The following ZNF800 variants were observed in gnomAD, a reference collection of about 807,000 sequenced individuals.
ZNF800 encodes zinc finger protein 800.
A neutral mutation model predicts 59.5 loss-of-function variants in ZNF800; 13 were observed. The ratio of observed to expected loss-of-function variants is 0.22; its 90% CI spans 0.14 to 0.35. The LOEUF is 0.35. Among genes scored for constraint, ZNF800 ranks in the 10% least tolerant of loss-of-function variants. The probability of loss-of-function intolerance (pLI) is 1.00; values close to 1 mark genes in which losing one functional copy is unlikely to be tolerated. For missense variants in ZNF800, 621 were observed against 783.7 expected, an observed-to-expected ratio of 0.79 and a Z score of 2.48; for synonymous variants, 266 against 265.7, an observed-to-expected ratio of 1.00 and a Z score of -0.01.
intron 1 of ZNF800, among the ~76,000 whole-genome samples, chr7:127,350,909 C>A (rs576772026): frequency 1.1e-4 from 16 of 152,240 alleles, no homozygotes; most frequent in East Asian, 7.7e-4. Flanking sequence ...TTATTGAGAA[C>A]GAATATTTTG....
downstream of ZNF800, among the ~76,000 whole-genome samples, chr7:127,367,637 T>C (rs1359746296): frequency 3.3e-5 from 5 of 152,100 alleles, no homozygotes; most frequent in Non-Finnish European, 7.4e-5. Context: ...ACTGGTGAAA[T>C]TTCCTAAAAA....
At chr7:127,368,260 T>C (rs2117075833), downstream of ZNF800, among the ~76,000 whole-genome samples, 1 of 152,290 alleles carries the variant, frequency 6.6e-6, no homozygotes, top group Middle Eastern at 3.4e-3. Flanking sequence ...ATGTTTTTAA[T>C]CTGCATTCTA....
Position 127,373,972 on chromosome 7 carries a change from G to C in ZNF800, c.1364C>G (p.Ser455Cys), listed in dbSNP as rs1225289778. Reference protein sequence around the residue: ...AAQKNKVKQDSESPKSTSPSA... With the variant: ...AAQKNKVKQDCESPKSTSPSA... Reference sequence around the variant, plus strand: ...CGGACTAGTTGATTTAGGGCTTTCAGAGTCTTGTTTAACTTTATTTTTCTG... The same window carrying C: ...CGGACTAGTTGATTTAGGGCTTTCACAGTCTTGTTTAACTTTATTTTTCTG... The change falls in exon 5 of 6, where the codon TCT becomes TGT. Residue 455 changes from serine to cysteine, a missense_variant. Ser to Cys is a moderately radical substitution (Grantham distance 112). This residue lies in a region of ZNF800 where 185 missense variants were observed against 177.6 expected (regional missense o/e 1.04). Coordinates refer to ENST00000265827, the MANE Select transcript of ZNF800 (RefSeq NM_176814.5). 1 of 1,613,988 alleles carries C rather than the reference G, an allele frequency of 6.2e-7. No homozygotes were observed. Among genetic ancestry groups the C allele is most frequent in the Non-Finnish European group, 8.5e-7 (1 of 1,179,978 alleles).
Position 127,373,869 on chromosome 7 carries a change from T to C in ZNF800, c.1467A>G (p.Lys489=), listed in dbSNP as rs1309883881. 6.2e-7 allele frequency: 1 copy of C among 1,614,188 alleles called. No individual in the cohort carries two copies. Among genetic ancestry groups the C allele is most frequent in the African/African-American group, 1.3e-5 (1 of 75,056 alleles). The stretch of plus-strand genomic sequence containing the variant: ...TGGAAGTAAACTGACGTTTACAAAG[T>C]TTACAGTAAAGTTGCTTAAAGTCAA... ...AGFDFKQLYC[K]LCKRQFTSKQ... Residue 489 remains lysine (K), a synonymous_variant, in exon 5 of 6, where the codon AAA becomes AAG. Transcript: ENST00000265827.
downstream of ZNF800, among the ~76,000 whole-genome samples, chr7:127,345,416 T>C (rs1800041488): frequency 6.6e-6 from 1 of 152,218 alleles, no homozygotes; most frequent in Admixed American, 6.5e-5. Flanking sequence ...GAGGGTCTAC[T>C]TTCAATAGAG....
At chr7:127,381,501 A>C (rs1233132775) in intron 3 of ZNF800, among the ~76,000 whole-genome samples, 2 of 152,148 alleles carry the variant, frequency 1.3e-5, no homozygotes, top group African/African-American at 2.4e-5. Context: ...AGTAGAATAC[A>C]ATTATCTTAG....
Position 127,371,594 on chromosome 7 carries a change from A to C in ZNF800, c.*220T>G. On this transcript the variant is annotated 3_prime_UTR_variant, in exon 6 of 6. Coordinates refer to ENST00000265827, the MANE Select transcript of ZNF800 (RefSeq NM_176814.5). ...ATGGACTGTGATGACAACATGTAAT[A>C]TCACAGCTACTTGAAAGTGCTGGAA... The C allele has an allele frequency of 2.4e-6, 1 of 418,054 alleles. No individual in the cohort carries two copies. Among genetic ancestry groups the C allele is most frequent in the Non-Finnish European group, 4.3e-6 (1 of 233,160 alleles). The allele number at this position is 418,054 out of a possible 1,614,324, so 25.9% of individuals were successfully genotyped here. A position where few individuals can be genotyped will look rare whatever the true frequency, so the allele number is the denominator to read the frequency against.
chr7:127,379,316 T>C (rs1398804168), intron 3 of ZNF800, among the ~76,000 whole-genome samples: 1 of 152,154 alleles, frequency 6.6e-6, no homozygotes, highest in Non-Finnish European at 1.5e-5. Context: ...GACCTATATA[T>C]ATTTCTCAGG....
chr7:127,373,754 T>C lies in ZNF800; in HGVS notation c.1582A>G (p.Thr528Ala). Reference sequence around the variant, plus strand: ...CGTATCACATCACGTTTCCGACGAGTTTCATAAGTGCAAAGAGGACACTTG... The same window carrying C: ...CGTATCACATCACGTTTCCGACGAGCTTCATAAGTGCAAAGAGGACACTTG... ...FYKCPLCTYE[T>A]RRKRDVIRHI... The change falls in exon 5 of 6, where the codon ACT becomes GCT. Residue 528 changes from threonine to alanine, a missense_variant. Transcript: ENST00000265827. The C allele has an allele frequency of 6.2e-7, 1 of 1,614,058 alleles. No individual in the cohort carries two copies. Among genetic ancestry groups the C allele is most frequent in the Non-Finnish European group, 8.5e-7 (1 of 1,180,024 alleles).
chr7:127,345,976 A>G (rs1467049402), downstream of ZNF800, among the ~76,000 whole-genome samples: 1 of 152,202 alleles, frequency 6.6e-6, no homozygotes, highest in Non-Finnish European at 1.5e-5. Flanking sequence ...TGTGCAGGGA[A>G]TAATCCATTG....
chr7:127,387,120 A>G (rs1009349174), intron 2 of ZNF800, among the ~76,000 whole-genome samples: 3 of 152,152 alleles, frequency 2.0e-5, no homozygotes, highest in Non-Finnish European at 4.4e-5. Context: ...ATTATCCCTA[A>G]TTCCCAAGAT....
At chr7:127,360,387 G>A (rs1040005474) in intron 1 of ZNF800, 1 of 152,036 alleles carries the variant, frequency 6.6e-6, no homozygotes, top group Non-Finnish European at 1.5e-5. Context: ...CTCTACTCTA[G>A]TACATTGAAA....
intron 1 of ZNF800, chr7:127,361,149 T>C (rs1204029965): frequency 1.3e-5 from 2 of 152,128 alleles, no homozygotes; most frequent in African/African-American, 2.4e-5. Flanking sequence ...AGGATGAGTA[T>C]ACTGAAGGGT....
chr7:127,344,278 T>C (rs531761045), downstream of ZNF800, among the ~76,000 whole-genome samples: 1 of 152,026 alleles, frequency 6.6e-6, no homozygotes, highest in South Asian at 2.1e-4. Flanking sequence ...GGAAAAATGA[T>C]CCCATTCAAA....
At chr7:127,353,918 TA>T (rs34334834) in intron 1 of ZNF800, among the ~76,000 whole-genome samples, 15,990 of 152,064 alleles carry the variant, frequency 0.11, 1,076 homozygotes, top group Middle Eastern at 0.27. Context: ...CATATCAAGA[TA>T]AAAATATATA....
At chr7:127,390,797 C>G (rs934424688) in intron 2 of ZNF800, among the ~76,000 whole-genome samples, 5 of 152,152 alleles carry the variant, frequency 3.3e-5, no homozygotes, top group Non-Finnish European at 5.9e-5. Context: ...GAACTGTCAA[C>G]AGTATATCAA....
At chr7:127,361,935 A>G (rs1283419325) in intron 1 of ZNF800, 1 of 152,144 alleles carries the variant, frequency 6.6e-6, no homozygotes, top group Non-Finnish European at 1.5e-5. Flanking sequence ...AACTGCTGAT[A>G]CCAAGTAAAA....
At position 127,373,945 on chromosome 7, in the gene ZNF800, G is replaced by A. The variant is rs767881955; in HGVS notation, c.1391C>T (p.Ser464Leu). The A allele has an allele frequency of 2.1e-5, 34 of 1,614,036 alleles. No homozygotes were observed. In the South Asian group the frequency reaches 2.4e-4, roughly 11 times the overall value. The stretch of plus-strand genomic sequence containing the variant: ...GGTTTTTTGCTGGCCACCTGCAGCC[G>A]ACGGACTAGTTGATTTAGGGCTTTC... The part of the protein sequence containing the change: ...DSESPKSTSP[S>L]AAGGQQKTRK... The change falls in exon 5 of 6, where the codon TCG (serine) becomes TTG (leucine). Residue 464 changes from serine to leucine, a missense_variant. By Grantham distance (145) the Ser-to-Leu change is moderately radical. This residue lies in a region of ZNF800 where 185 missense variants were observed against 177.6 expected (regional missense o/e 1.04). Transcript: ENST00000265827.
chr7:127,371,612 TG>T lies in ZNF800; in HGVS notation c.*201del, dbSNP rs1418148919. On this transcript the variant is annotated 3_prime_UTR_variant, in exon 6 of 6. Transcript: ENST00000265827. ...ATGTAATATCACAGCTACTTGAAAG[TG>T]CTGGAATAGGCAGTGCCTTAGAAAC... 137 of 444,658 alleles carry T rather than the reference TG, an allele frequency of 3.1e-4. No homozygotes were observed. Among genetic ancestry groups the T allele is most frequent in the Non-Finnish European group, 4.2e-4 (105 of 247,864 alleles). The allele number at this position is 444,658 out of a possible 1,614,324, so 27.5% of individuals were successfully genotyped here.
Sources: gnomAD v4.1 joint callset for allele counts (sites outside exome capture counted in the v4.1 genomes callset) on GRCh38, gnomAD v4.1.1 for gene constraint, gnomAD v4.1.1 regional missense constraint, MANE v1.5 for transcripts, NCBI Gene and HGNC (gene_info 2026-07-23, HGNC 2026-07-21) for gene names.